Variants in LIFR observed in about 807,000 individuals in gnomAD.
LIFR encodes leukemia inhibitory factor receptor.
Under a neutral mutation model 122.2 loss-of-function variants are expected in LIFR, and 84 were observed. That is an observed-to-expected ratio of 0.69 (90% CI 0.58 to 0.82). The LOEUF is 0.82. Among genes scored for constraint, LIFR ranks in the 40% least tolerant of loss-of-function variants. LIFR has a pLI of 0.00. For synonymous variants in LIFR, 422 were observed against 434.7 expected, an observed-to-expected ratio of 0.97 and a Z score of 0.36; for missense variants, 1,294 against 1,311.6, an observed-to-expected ratio of 0.99 and a Z score of 0.21.
Position 38,482,184 on chromosome 5 carries a change from G to A in LIFR, c.2705C>T (p.Pro902Leu), listed in dbSNP as rs974691006. 5 of 1,596,430 alleles carry A rather than the reference G, an allele frequency of 3.1e-6. No individual in the cohort carries two copies. Among genetic ancestry groups the A allele is most frequent in the African/African-American group, 1.4e-5 (1 of 73,680 alleles). Reference protein sequence around the residue: ...SSALKTLEMNPCTPNNVEVLE... With the variant: ...SSALKTLEMNLCTPNNVEVLE... The stretch of plus-strand genomic sequence containing the variant: ...AACCTCAACATTATTTGGGGTACAA[G>A]GATTCATTTCCAATGTTTTAAGAGC... Residue 902 changes from proline (P) to leucine (L), a missense_variant, in exon 20 of 20, where the codon CCT becomes CTT. Pro to Leu is a moderately conservative substitution (Grantham distance 98). Transcript: ENST00000453190.
chr5:38,594,339 T>C (rs1372857084), intron 1 of LIFR, among the ~76,000 whole-genome samples: 2 of 152,194 alleles, frequency 1.3e-5, no homozygotes, highest in Non-Finnish European at 2.9e-5. Context: ...GCAATGAAGC[T>C]ATTGTAAGAT....
Position 38,480,506 on chromosome 5 carries a change from G to T in LIFR, c.*1089C>A. 4.6e-6 allele frequency: 1 copy of T among 215,526 alleles called. No individual in the cohort carries two copies. The highest frequency in any genetic ancestry group is 9.4e-6 in the Non-Finnish European group (1 of 106,740). The allele number at this position is 215,526 out of a possible 1,614,324, so 13.4% of individuals were successfully genotyped here. ...TTAGTTTTATATTTAAAAATGTGAG[G>T]ACTGGATCAGATAATGTGGCATGAT... On this transcript the variant is annotated 3_prime_UTR_variant, in exon 20 of 20. Transcript: ENST00000453190.
intron 1 of LIFR, among the ~76,000 whole-genome samples, chr5:38,562,533 C>CA (rs1345957830): frequency 6.6e-6 from 1 of 152,124 alleles, no homozygotes; most frequent in African/African-American, 2.4e-5. Flanking sequence ...ATGGATCCCA[C>CA]AAAAAAGCAA....
intron 1 of LIFR, among the ~76,000 whole-genome samples, chr5:38,546,778 A>G (rs1309255889): frequency 6.6e-6 from 1 of 152,222 alleles, no homozygotes; most frequent in Non-Finnish European, 1.5e-5. Context: ...TGTAACGTCC[A>G]CTGTCCCTGT....
intron 2 of LIFR, among the ~76,000 whole-genome samples, chr5:38,603,216 A>C (rs1750256422): frequency 6.6e-6 from 1 of 152,156 alleles, no homozygotes; most frequent in South Asian, 2.1e-4. Flanking sequence ...AAGCATTTTT[A>C]ATAAACTTCC....
At chr5:38,586,415 T>C (rs1424443471) in intron 1 of LIFR, among the ~76,000 whole-genome samples, 1 of 152,250 alleles carries the variant, frequency 6.6e-6, no homozygotes, top group Non-Finnish European at 1.5e-5. Context: ...CACCAAGCTG[T>C]ACATAACATG....
rs1743862716 is a variant in LIFR at position 38,479,215 on chromosome 5, G to A, written c.*2380C>T. The stretch of plus-strand genomic sequence containing the variant: ...AGGGAAAAGAAGGAAAACTGCTTTG[G>A]CCCCAGACATAAATCACATTCTTTT... On this transcript the variant is annotated 3_prime_UTR_variant, in exon 20 of 20. Transcript: ENST00000453190. 2 of 231,710 alleles carry A rather than the reference G, an allele frequency of 8.6e-6. No homozygotes were observed. The highest frequency in any genetic ancestry group is 1.7e-5 in the Non-Finnish European group (2 of 117,158). 14.4% of individuals were successfully genotyped at this position (231,710 alleles called of 1,614,324 possible).
intron 1 of LIFR, among the ~76,000 whole-genome samples, chr5:38,589,900 A>G (rs1749868610): frequency 6.6e-6 from 1 of 152,138 alleles, no homozygotes; most frequent in Non-Finnish European, 1.5e-5. Flanking sequence ...CAAAATTTCT[A>G]CTTTTCACTG....
intron 1 of LIFR, among the ~76,000 whole-genome samples, chr5:38,607,405 A>G (rs1750349606): frequency 6.6e-6 from 1 of 151,998 alleles, no homozygotes. Context: ...TTTTTTGTCT[A>G]TCTGGGCTTT....
intron 1 of LIFR, among the ~76,000 whole-genome samples, chr5:38,544,149 A>T (rs1441114190): frequency 6.6e-6 from 1 of 151,560 alleles, no homozygotes; most frequent in Non-Finnish European, 1.5e-5. Flanking sequence ...AAGCGCACCA[A>T]CCTCTTTTGC....
chr5:38,493,895 A>C, intron 13 of LIFR, 110 bp from the exon 14 acceptor site: 1 of 863,316 alleles, frequency 1.2e-6, no homozygotes, highest in Non-Finnish European at 1.9e-6. Flanking sequence ...AAGAAATTAT[A>C]AAATAGTGCT....
rs573391870 is a variant in LIFR at position 38,482,380 on chromosome 5, A to C, written c.2671-162T>G. ...CACAGCCACTTTTTTCTTCCGTATCAGTATTTTCCTTGTTATTAATACTTG... is the reference window on the plus strand; with the variant it reads ...CACAGCCACTTTTTTCTTCCGTATCCGTATTTTCCTTGTTATTAATACTTG... On this transcript the variant is annotated intron_variant, in intron 19 of 19. Coordinates refer to ENST00000453190, the MANE Select transcript of LIFR (RefSeq NM_001127671.2). 0.02 allele frequency among the ~76,000 whole-genome samples: 3,017 copies of C among 152,232 alleles called. 91 individuals are homozygous for C. The highest frequency in any genetic ancestry group is 0.067 in the African/African-American group (2,797 of 41,508).
intron 2 of LIFR, among the ~76,000 whole-genome samples, chr5:38,529,792 A>G (rs1381687373): frequency 6.6e-6 from 1 of 152,208 alleles, no homozygotes; most frequent in Non-Finnish European, 1.5e-5. Context: ...CTGTAGCAAT[A>G]AATTATACGG....
At chr5:38,506,435 C>G (rs967800017) in intron 8 of LIFR, 68 bp downstream of exon 8, 5 of 1,558,004 alleles carry the variant, frequency 3.2e-6, no homozygotes, top group Non-Finnish European at 4.4e-6. Context: ...GTGCAGTTCC[C>G]TATGTCATTT....
At chr5:38,587,343 C>T (rs1749783272) in intron 1 of LIFR, among the ~76,000 whole-genome samples, 1 of 152,048 alleles carries the variant, frequency 6.6e-6, no homozygotes. Flanking sequence ...TAAGCCTGGA[C>T]ATTAAAAGTT....
Position 38,511,162 on chromosome 5 carries a change from C to T in LIFR, c.737-444G>A, listed in dbSNP as rs960303244. 3.9e-5 allele frequency among the ~76,000 whole-genome samples: 6 copies of T among 152,138 alleles called. No individual in the cohort carries two copies. The South Asian group carries it at 6.2e-4, about 16-fold the overall frequency. Reference sequence around the variant, plus strand: ...TTAGGGCATATGTCTTACTTTCCATCAGCCTAAATATATGCCCAAGTACTC... The same window carrying T: ...TTAGGGCATATGTCTTACTTTCCATTAGCCTAAATATATGCCCAAGTACTC... On this transcript the variant is annotated intron_variant, in intron 6 of 19. Coordinates refer to ENST00000453190, the MANE Select transcript of LIFR (RefSeq NM_001127671.2).
chr5:38,561,229 T>A (rs1275789552), upstream of LIFR, among the ~76,000 whole-genome samples: 1 of 152,204 alleles, frequency 6.6e-6, no homozygotes, highest in Non-Finnish European at 1.5e-5. Flanking sequence ...ACACAACAAT[T>A]TTGGCTATCT....
chr5:38,565,036 A>C (rs2112701606), intron 1 of LIFR, among the ~76,000 whole-genome samples: 1 of 152,264 alleles, frequency 6.6e-6, no homozygotes, highest in South Asian at 2.1e-4. Flanking sequence ...GGCCTCCCAA[A>C]GTGCTGGGAT....
At chr5:38,595,677 G>A (rs2112773196), upstream of LIFR, among the ~76,000 whole-genome samples, 1 of 151,992 alleles carries the variant, frequency 6.6e-6, no homozygotes, top group African/African-American at 2.4e-5. Flanking sequence ...GAATCCATGG[G>A]GCCAATCTAA....
Sources: gnomAD v4.1 joint callset for allele counts (sites outside exome capture counted in the v4.1 genomes callset) on GRCh38, gnomAD v4.1.1 for gene constraint, MANE v1.5 for transcripts, NCBI Gene and HGNC (gene_info 2026-07-23, HGNC 2026-07-21) for gene names.